TRAK1: variants seen among roughly 807,000 people sequenced by gnomAD.
TRAK1 encodes the protein trafficking kinesin protein 1.
Under a neutral mutation model 92.1 loss-of-function variants are expected in TRAK1, and 33 were observed. The ratio of observed to expected loss-of-function variants is 0.36; its 90% CI spans 0.27 to 0.48. The LOEUF is 0.48. TRAK1 is among the 20% of genes least tolerant of loss of function. The pLI, the probability that TRAK1 is intolerant of heterozygous loss-of-function variation, is 0.99. For synonymous variants in TRAK1, 521 were observed against 517.3 expected (o/e 1.01, Z -0.10); for missense variants, 1,123 against 1,257.9 (o/e 0.89, Z 1.62).
chr3:42,187,515 T>C (rs1346571274), intron 4 of TRAK1, among the ~76,000 whole-genome samples: 1 of 152,150 alleles, frequency 6.6e-6, no homozygotes, highest in Non-Finnish European at 1.5e-5. Flanking sequence ...TTGCCCAGGC[T>C]GGAGTGCAGT....
At chr3:42,135,569 A>C (rs1243935558) in intron 2 of TRAK1, among the ~76,000 whole-genome samples, 2 of 152,180 alleles carry the variant, frequency 1.3e-5, no homozygotes, top group African/African-American at 4.8e-5. Flanking sequence ...TCTACAAAAA[A>C]AGAAAAACAA....
chr3:42,184,030 T>G (rs1443087229), intron 3 of TRAK1, among the ~76,000 whole-genome samples: 1 of 152,272 alleles, frequency 6.6e-6, no homozygotes, highest in African/African-American at 2.4e-5. Flanking sequence ...ATGGCAATTT[T>G]ATGCATAACG....
chr3:42,018,890 G>A (rs1701628226), intron 1 of TRAK1, among the ~76,000 whole-genome samples: 1 of 152,200 alleles, frequency 6.6e-6, no homozygotes, highest in Non-Finnish European at 1.5e-5. Flanking sequence ...TTGGGAGGTG[G>A]AGGCAGGTGG....
intron 2 of TRAK1, among the ~76,000 whole-genome samples, chr3:42,127,484 C>T (rs546364478): frequency 3.3e-5 from 5 of 151,756 alleles, no homozygotes; most frequent in Middle Eastern, 3.4e-3. Flanking sequence ...TCCTGAGTAG[C>T]TAGGACTACA....
At chr3:42,118,965 C>G (rs1185517817) in intron 1 of TRAK1, among the ~76,000 whole-genome samples, 1 of 152,144 alleles carries the variant, frequency 6.6e-6, no homozygotes, top group Non-Finnish European at 1.5e-5. Flanking sequence ...CTCCACCTGC[C>G]TCATGTTGCA....
chr3:42,049,750 T>G (rs1055820223), intron 1 of TRAK1, among the ~76,000 whole-genome samples: 1 of 152,210 alleles, frequency 6.6e-6, no homozygotes, highest in Non-Finnish European at 1.5e-5. Flanking sequence ...CTTTGTAGCT[T>G]TCAAAAGCCC....
chr3:42,037,367 G>A (rs1020754029), intron 1 of TRAK1, among the ~76,000 whole-genome samples: 2 of 152,128 alleles, frequency 1.3e-5, no homozygotes, highest in African/African-American at 4.8e-5. Context: ...TTCCCTCTAA[G>A]TAGACCAGAA....
chr3:42,041,138 TA>T (rs142346847), intron 1 of TRAK1, among the ~76,000 whole-genome samples: 28,167 of 131,786 alleles, frequency 0.21, 7,094 homozygotes, highest in African/African-American at 0.61. Flanking sequence ...AATTTATGCT[TA>T]AAAAAAAAAA....
intron 2 of TRAK1, among the ~76,000 whole-genome samples, chr3:42,158,776 CACAAAAAAT>C (rs1700862895): frequency 9.0e-6 from 1 of 111,110 alleles, no homozygotes; most frequent in Non-Finnish European, 1.8e-5. Flanking sequence ...ACCCCGTCTC[CACAAAAAAT>C]ACAAAAAAAA....
chr3:42,049,770 T>C (rs777313785), intron 1 of TRAK1, among the ~76,000 whole-genome samples: 4 of 152,222 alleles, frequency 2.6e-5, no homozygotes, highest in Non-Finnish European at 4.4e-5. Flanking sequence ...CCTCCTAACT[T>C]TTTTGGAATG....
At position 42,223,246 on chromosome 3, in the gene TRAK1, A is replaced by C. The variant is rs370449306; in HGVS notation, c.2371A>C (p.Thr791Pro). 1.1e-5 allele frequency: 18 copies of C among 1,614,074 alleles called. No individual in the cohort carries two copies. In the South Asian group the frequency reaches 2.0e-4, roughly 18 times the overall value. ...TPPNSPMQTP[T>P]SSPPSFEFKC... ...GCCGAACTCGCCTATGCAGACACCC[A>C]CATCCTCCCCACCCTCCTTTGAGTT... Residue 791 changes from threonine to proline, a missense_variant, in exon 16 of 16, where the codon ACA becomes CCA. Thr to Pro is a conservative substitution (Grantham distance 38, BLOSUM62 -1). Transcript: ENST00000327628. This position sits in a 1 kb window ranked among gnomAD's most constrained non-coding sequence, Gnocchi z 6.1.
chr3:42,088,104 A>C (rs143860405), upstream of TRAK1, among the ~76,000 whole-genome samples: 1 of 152,348 alleles, frequency 6.6e-6, no homozygotes, highest in East Asian at 1.9e-4. Context: ...TTGCATTCAT[A>C]TAGAAGTTTG....
chr3:42,149,339 C>T (rs1699687583), intron 2 of TRAK1: 2 of 1,433,376 alleles, frequency 1.4e-6, no homozygotes, highest in African/African-American at 1.4e-5. Context: ...CCCTCCTTCC[C>T]CCATAGAATT....
chr3:42,043,474 C>G (rs1402092044), intron 1 of TRAK1, among the ~76,000 whole-genome samples: 1 of 152,060 alleles, frequency 6.6e-6, no homozygotes, highest in Non-Finnish European at 1.5e-5. Context: ...AATCCTTTGT[C>G]CCTGCTCTGA....
chr3:42,063,859 C>T (rs957474546), intron 1 of TRAK1, among the ~76,000 whole-genome samples: 1 of 152,126 alleles, frequency 6.6e-6, no homozygotes, highest in African/African-American at 2.4e-5. Context: ...TGCGTTGGCC[C>T]GGTGATGTAT....
At chr3:42,188,327 A>G (rs1705196215) in intron 5 of TRAK1, among the ~76,000 whole-genome samples, 182 bp downstream of exon 5, 1 of 152,214 alleles carries the variant, frequency 6.6e-6, no homozygotes, top group Non-Finnish European at 1.5e-5. Flanking sequence ...TTAGCGGGAT[A>G]TGGATGGACA....
At chr3:42,172,215 G>GT (rs1166248633) in intron 2 of TRAK1, among the ~76,000 whole-genome samples, 3 of 152,200 alleles carry the variant, frequency 2.0e-5, no homozygotes, top group African/African-American at 7.2e-5. Flanking sequence ...GTTGTGGGCA[G>GT]CCCTCTGCCT....
chr3:42,133,118 C>T (rs1481692019), intron 2 of TRAK1, among the ~76,000 whole-genome samples: 1 of 152,204 alleles, frequency 6.6e-6, no homozygotes. Flanking sequence ...ACTCTTTGGA[C>T]CCAGCAGCCT....
chr3:42,028,292 G>A (rs1416029072), intron 1 of TRAK1, among the ~76,000 whole-genome samples: 5 of 152,202 alleles, frequency 3.3e-5, no homozygotes, highest in Non-Finnish European at 7.4e-5. Context: ...TGATTTTACA[G>A]GTCTTCCGCA....
Sources: allele counts gnomAD v4.1 joint callset (sites outside exome capture counted in the v4.1 genomes callset), GRCh38; gene constraint gnomAD v4.1.1; non-coding constraint Gnocchi (gnomAD v3.1); transcripts MANE v1.5; gene names NCBI Gene and HGNC (gene_info 2026-07-23, HGNC 2026-07-21).